Variants in TPO observed in about 807,000 individuals in gnomAD.
The protein encoded by TPO is thyroid microsomal antigen.
In TPO, 78 loss-of-function variants were observed where a neutral mutation model predicts 96.9. That is an observed-to-expected ratio of 0.81 (90% CI 0.67 to 0.97). The LOEUF (loss-of-function observed/expected upper bound fraction) is 0.97, where lower values mean the gene tolerates loss of function less well. Ranked by LOEUF, TPO falls within the 50% of genes least tolerant of loss-of-function variation. The probability of loss-of-function intolerance (pLI) is 0.00; values close to 1 mark genes in which losing one functional copy is unlikely to be tolerated. For missense variants in TPO, 1,252 were observed against 1,274.8 expected, an observed-to-expected ratio of 0.98 and a Z score of 0.27; for synonymous variants, 547 against 538.0, an observed-to-expected ratio of 1.02 and a Z score of -0.23.
intron 1 of TPO, among the ~76,000 whole-genome samples, chr2:1,386,335 T>C (rs1661894452): frequency 6.6e-6 from 1 of 152,142 alleles, no homozygotes. Context: ...CCCATTATTA[T>C]TGTGTGGGAG....
intron 1 of TPO, among the ~76,000 whole-genome samples, chr2:1,403,306 C>T (rs1546588): frequency 0.11 from 16,121 of 152,192 alleles, 1,118 homozygotes; most frequent in East Asian, 0.34. Context: ...GGCAGCCTGG[C>T]GATGCTTGGG....
At chr2:1,472,401 T>A (rs1431265609) in intron 7 of TPO, among the ~76,000 whole-genome samples, 1 of 152,156 alleles carries the variant, frequency 6.6e-6, no homozygotes, top group East Asian at 1.9e-4. Flanking sequence ...GCCCTTTCCA[T>A]GATATGAATG....
intron 3 of TPO, among the ~76,000 whole-genome samples, chr2:1,432,904 A>C (rs62105614): frequency 0.33 from 49,679 of 151,814 alleles, 9,102 homozygotes; most frequent in South Asian, 0.48. Context: ...CATATTTCTT[A>C]TTCTATGAGG....
At chr2:1,534,514 CCAAA>C in intron 15 of TPO, among the ~76,000 whole-genome samples, 1 of 68,724 alleles carries the variant, frequency 1.5e-5, no homozygotes, top group Non-Finnish European at 3.0e-5. Flanking sequence ...TGCAACTTCC[CCAAA>C]TCCCTCCCAC....
In TPO at chr2:1,433,611, A is replaced by G. The variant is rs914014336; in HGVS notation, c.349+4A>G. On this transcript the variant is annotated splice_donor_region_variant and intron_variant, in intron 4 of 16. Transcript: ENST00000329066. Reference sequence around the variant, plus strand: ...CAACAATCACAGCATCCAACGGGTAATGTGTGCCCCTCTCCCCACTGAGGA... The same window carrying G: ...CAACAATCACAGCATCCAACGGGTAGTGTGTGCCCCTCTCCCCACTGAGGA... 1 of 1,613,392 alleles carries G rather than the reference A, an allele frequency of 6.2e-7. No homozygotes were observed. Among genetic ancestry groups the G allele is most frequent in the Non-Finnish European group, 8.5e-7 (1 of 1,179,566 alleles).
chr2:1,492,188 C>T (rs986480368), intron 10 of TPO, among the ~76,000 whole-genome samples: 3 of 152,116 alleles, frequency 2.0e-5, no homozygotes, highest in Non-Finnish European at 4.4e-5. Context: ...AAGTCTCACT[C>T]TTGTCACCCA....
chr2:1,484,864 T>TGC lies in TPO; in HGVS notation c.1597+12_1597+13dup. On this transcript the variant is annotated intron_variant, in intron 9 of 16. Transcript: ENST00000329066. ...ACATTACTCCGTGGAGGTGAGTGAG[T>TGC]GCGGTCCCTGCAGCTGGTCCCCATG... is the stretch of plus-strand genomic sequence containing the variant. 6.2e-7 allele frequency: 1 copy of TGC among 1,613,402 alleles called. No homozygotes were observed. Among genetic ancestry groups the TGC allele is most frequent in the Non-Finnish European group, 8.5e-7 (1 of 1,180,020 alleles).
intron 16 of TPO, chr2:1,541,281 G>A: frequency 1.1e-6 from 1 of 881,128 alleles, no homozygotes; most frequent in East Asian, 8.0e-5. Context: ...GGCAGGAGGA[G>A]GGCGCCTCAG....
intron 2 of TPO, among the ~76,000 whole-genome samples, chr2:1,421,131 C>T (rs1279783209): frequency 6.6e-6 from 1 of 152,116 alleles, no homozygotes; most frequent in Non-Finnish European, 1.5e-5. Flanking sequence ...GAGAAGAGAG[C>T]CACAGTGACC....
Position 1,516,922 on chromosome 2 carries a change from C to T in TPO, c.2558C>T (p.Ser853Leu), listed in dbSNP as rs373501176. 2.3e-5 allele frequency: 37 copies of T among 1,613,876 alleles called. No homozygotes were observed. Among genetic ancestry groups the T allele is most frequent in the East Asian group, 6.7e-5 (3 of 44,886 alleles). ...RLPRVTWISM[S>L]LAALLIGGFA... Reference sequence around the variant, plus strand: ...CCTCGGGTGACTTGGATCTCCATGTCGCTGGCTGCTCTGCTGATCGGAGGC... The same window carrying T: ...CCTCGGGTGACTTGGATCTCCATGTTGCTGGCTGCTCTGCTGATCGGAGGC... The change falls in exon 15 of 17, where the codon TCG becomes TTG. Residue 853 changes from serine to leucine, a missense_variant. Transcript: ENST00000329066.
intron 13 of TPO, among the ~76,000 whole-genome samples, chr2:1,499,726 C>T (rs1270952108): frequency 6.6e-6 from 1 of 152,216 alleles, no homozygotes. Flanking sequence ...AGGTCTGAGA[C>T]ACCCATCGGC....
At chr2:1,420,020 A>G (rs959000139) in intron 2 of TPO, among the ~76,000 whole-genome samples, 1 of 152,252 alleles carries the variant, frequency 6.6e-6, no homozygotes, top group Non-Finnish European at 1.5e-5. Context: ...CGGTTCCAGT[A>G]GAGACTTGAG....
chr2:1,447,266 C>A (rs1209301903), intron 5 of TPO, among the ~76,000 whole-genome samples: 1 of 152,206 alleles, frequency 6.6e-6, no homozygotes, highest in Non-Finnish European at 1.5e-5. Context: ...CACGATGAAA[C>A]CTTGGTCTCC....
chr2:1,405,284 C>T (rs56302939), intron 1 of TPO, among the ~76,000 whole-genome samples: 58,605 of 150,942 alleles, frequency 0.39, 11,532 homozygotes, highest in Admixed American at 0.48. Context: ...CTCACACACA[C>T]ATCCATCCAT....
rs547499889 is a variant in TPO, at chr2:1,403,833, C to T, written n.180+29431C>T. ...TGTGACCAGAGCACGCCGGGCCCCA[C>T]CAAATCTCCCCTCTGCACGCAGCGG... On this transcript the variant is annotated intron_variant and non_coding_transcript_variant, in intron 1 of 5. Coordinates refer to the TPO transcript ENST00000497517. Among the ~76,000 whole-genome samples the T allele has an allele frequency of 1.2e-3, 188 of 152,246 alleles. 1 individual carries two copies. The highest frequency in any genetic ancestry group is 2.5e-3 in the Non-Finnish European group (168 of 68,028).
chr2:1,504,534 C>T (rs958698566), intron 14 of TPO, among the ~76,000 whole-genome samples: 22 of 152,208 alleles, frequency 1.4e-4, no homozygotes, highest in Admixed American at 1.2e-3. Context: ...TGTCCCCGCC[C>T]GGCATGGGGC....
chr2:1,507,723 T>C (rs1380799839), intron 14 of TPO, among the ~76,000 whole-genome samples: 5 of 151,456 alleles, frequency 3.3e-5, no homozygotes, highest in Admixed American at 6.6e-5. Flanking sequence ...GTGATTTTTG[T>C]ACATTGATTT....
chr2:1,503,215 C>T (rs993014689), intron 13 of TPO, among the ~76,000 whole-genome samples: 10 of 152,172 alleles, frequency 6.6e-5, no homozygotes, highest in Non-Finnish European at 1.3e-4. Flanking sequence ...GCCTGGCCCT[C>T]GGCGGAGGCT....
At chr2:1,538,863 A>C (rs577339423) in intron 15 of TPO, among the ~76,000 whole-genome samples, 10 of 152,306 alleles carry the variant, frequency 6.6e-5, no homozygotes, top group African/African-American at 2.4e-4. Flanking sequence ...TGGAAGGACG[A>C]ATGCGCCTTG....
Sources: gnomAD v4.1 joint callset for allele counts (sites outside exome capture counted in the v4.1 genomes callset) on GRCh38, gnomAD v4.1.1 for gene constraint, MANE v1.5 for transcripts, NCBI Gene and HGNC (gene_info 2026-07-23, HGNC 2026-07-21) for gene names.